SNTG2: variants seen among roughly 807,000 people sequenced by gnomAD.
SNTG2 encodes the protein gamma-2-syntrophin.
In SNTG2, 74 loss-of-function variants were observed where a neutral mutation model predicts 70.9. The ratio of observed to expected loss-of-function variants is 1.04; its 90% CI spans 0.86 to 1.27. SNTG2 has a LOEUF of 1.27. Among genes scored for constraint, SNTG2 ranks in the 50% most tolerant of loss-of-function variants. The pLI, the probability that SNTG2 is intolerant of heterozygous loss-of-function variation, is 0.00. For missense variants in SNTG2, 717 were observed against 690.7 expected, an observed-to-expected ratio of 1.04 and a Z score of -0.43; for synonymous variants, 278 against 273.8, an observed-to-expected ratio of 1.02 and a Z score of -0.15.
rs375639794 is a variant in SNTG2, at chr2:1,154,385, C to A, written c.412-11163C>A. Among the ~76,000 whole-genome samples the A allele has an allele frequency of 2.3e-3, 351 of 152,138 alleles. 9 individuals are homozygous for A. In the South Asian group the frequency reaches 0.04, roughly 17 times the overall value. On this transcript the variant is annotated intron_variant, in intron 6 of 16. Coordinates refer to ENST00000308624, the MANE Select transcript of SNTG2 (RefSeq NM_018968.4). ...GACGCCAAAGCACACAGCTTTCTGT[C>A]GGAAGATGTTGAATAAGATTGAGAT...
chr2:1,137,232 T>A (rs965568874), intron 4 of SNTG2, among the ~76,000 whole-genome samples: 5 of 151,054 alleles, frequency 3.3e-5, no homozygotes, highest in African/African-American at 1.2e-4. Flanking sequence ...CATCAACAGA[T>A]TCACATGCTC....
At chr2:1,041,844 C>T (rs1225880990) in intron 1 of SNTG2, among the ~76,000 whole-genome samples, 3 of 152,160 alleles carry the variant, frequency 2.0e-5, no homozygotes, top group East Asian at 1.9e-4. Flanking sequence ...ACACACTAGC[C>T]GTCAGCAATA....
At chr2:1,134,167 A>G (rs1344133167) in intron 4 of SNTG2, among the ~76,000 whole-genome samples, 1 of 152,138 alleles carries the variant, frequency 6.6e-6, no homozygotes, top group Non-Finnish European at 1.5e-5. Flanking sequence ...TACAGCTCAT[A>G]AAGGCAGCGT....
chr2:1,113,545 T>C (rs886520920), intron 4 of SNTG2, among the ~76,000 whole-genome samples: 1 of 151,992 alleles, frequency 6.6e-6, no homozygotes, highest in African/African-American at 2.4e-5. Context: ...GTTTAACCCT[T>C]ACAGTCCTTT....
chr2:1,159,818 G>A (rs912481644), intron 6 of SNTG2, among the ~76,000 whole-genome samples: 1 of 151,316 alleles, frequency 6.6e-6, no homozygotes, highest in African/African-American at 2.4e-5. Flanking sequence ...TTGTAATAAC[G>A]CAAGATGCAG....
chr2:1,035,948 A>G (rs1042730104), intron 1 of SNTG2, among the ~76,000 whole-genome samples: 8 of 152,226 alleles, frequency 5.3e-5, no homozygotes, highest in African/African-American at 1.7e-4. Flanking sequence ...TTCTTTACAA[A>G]TCATTAAACA....
In SNTG2 at chr2:1,008,580, C is replaced by T. The variant is rs555513021; in HGVS notation, c.72+57512C>T. Among the ~76,000 whole-genome samples, 132 of 152,218 alleles carry T rather than the reference C, an allele frequency of 8.7e-4. 1 individual carries two copies. Among genetic ancestry groups the T allele is most frequent in the African/African-American group, 3.1e-3 (130 of 41,526 alleles). ...TTCAGACTAAATGCCTGCTTATCTA[C>T]GTCATCAAACCGTTTTTATTATTTA... On this transcript the variant is annotated intron_variant, in intron 1 of 16. Coordinates refer to ENST00000308624, the MANE Select transcript of SNTG2 (RefSeq NM_018968.4).
chr2:1,057,343 C>T (rs903115170), intron 1 of SNTG2, among the ~76,000 whole-genome samples: 15 of 152,112 alleles, frequency 9.9e-5, no homozygotes, highest in Middle Eastern at 3.4e-3. Flanking sequence ...AGTCAGGGTT[C>T]TCCAGAGGGA....
At chr2:1,329,175 T>C (rs929633364) in intron 16 of SNTG2, among the ~76,000 whole-genome samples, 1 of 152,204 alleles carries the variant, frequency 6.6e-6, no homozygotes, top group Non-Finnish European at 1.5e-5. Context: ...AATCATTATT[T>C]AAAGCTGTTT....
At chr2:964,447 C>T (rs972806950) in intron 1 of SNTG2, among the ~76,000 whole-genome samples, 1 of 152,164 alleles carries the variant, frequency 6.6e-6, no homozygotes, top group African/African-American at 2.4e-5. Flanking sequence ...TCCAGGAGAG[C>T]AGTCCCAAAC....
Position 1,167,413 on chromosome 2 carries a change from A to C in SNTG2, c.499+1778A>C, listed in dbSNP as rs188983918. Among the ~76,000 whole-genome samples, 17 of 148,190 alleles carry C rather than the reference A, an allele frequency of 1.1e-4. No homozygotes were observed. In the East Asian group the frequency reaches 3.1e-3, roughly 27 times the overall value. On this transcript the variant is annotated intron_variant, in intron 7 of 16. Coordinates refer to ENST00000308624, the MANE Select transcript of SNTG2 (RefSeq NM_018968.4). Reference sequence around the variant, plus strand: ...CCTACAGGCCGCCCACAGACGGCAGAACTGAAGCCTAGAAGCCGCCCACAG... The same window carrying C: ...CCTACAGGCCGCCCACAGACGGCAGCACTGAAGCCTAGAAGCCGCCCACAG...
At chr2:1,116,258 C>G (rs1026209993) in intron 4 of SNTG2, among the ~76,000 whole-genome samples, 5 of 152,154 alleles carry the variant, frequency 3.3e-5, no homozygotes, top group African/African-American at 9.7e-5. Flanking sequence ...TTGTGTGAGT[C>G]TGTAATGTTT....
chr2:998,635 G>A (rs749929379), intron 1 of SNTG2, among the ~76,000 whole-genome samples: 4 of 151,894 alleles, frequency 2.6e-5, no homozygotes, highest in African/African-American at 7.2e-5. Flanking sequence ...AAGAGTATGG[G>A]ATTATGTAAA....
intron 1 of SNTG2, among the ~76,000 whole-genome samples, chr2:1,034,915 C>T (rs1029141115): frequency 2.6e-5 from 4 of 152,168 alleles, no homozygotes; most frequent in Non-Finnish European, 5.9e-5. Flanking sequence ...ATAGAATATT[C>T]TTCTCATCAC....
intron 8 of SNTG2, among the ~76,000 whole-genome samples, chr2:1,181,767 A>G (rs1671915381): frequency 1.3e-5 from 2 of 152,218 alleles, no homozygotes; most frequent in Non-Finnish European, 2.9e-5. Flanking sequence ...TAAAAGCTGA[A>G]GCTTGCAGGG....
At chr2:951,138 C>A in intron 1 of SNTG2, 70 bp downstream of exon 1, 2 of 675,058 alleles carry the variant, frequency 3.0e-6, no homozygotes, top group Non-Finnish European at 2.1e-6. Context: ...CTTCTCCCCC[C>A]GCCCCTCCTC....
rs370317783 is a variant in SNTG2, at chr2:991,372, T to TACACACACACATACAC, written c.72+40315_72+40316insTACACACACACACACA. On this transcript the variant is annotated intron_variant, in intron 1 of 16. Transcript: ENST00000308624. ...AGGGAGCTTATAAGTTCTGTAATATTACACACACACACACACACACACACA... is the reference window on the plus strand; with the variant it reads ...AGGGAGCTTATAAGTTCTGTAATATTACACACACACATACACACACACACACACACACACACACACA... 5.7e-3 allele frequency among the ~76,000 whole-genome samples: 804 copies of TACACACACACATACAC among 140,342 alleles called. 9 individuals carry two copies. The highest frequency in any genetic ancestry group is 0.02 in the African/African-American group (756 of 37,898). 92.1% of individuals were successfully genotyped at this position (140,342 alleles called of 152,430 possible). A position where few individuals can be genotyped will look rare whatever the true frequency, so the allele number is the denominator to read the frequency against.
chr2:1,019,899 C>T (rs574856869), intron 1 of SNTG2, among the ~76,000 whole-genome samples: 18 of 152,124 alleles, frequency 1.2e-4, no homozygotes, highest in Non-Finnish European at 1.3e-4. Flanking sequence ...AAAAATTAGC[C>T]GGGTGTGGTG....
At position 1,099,975 on chromosome 2, in the gene SNTG2, A is replaced by G. The variant is rs532007275; in HGVS notation, c.325+1565A>G. Among the ~76,000 whole-genome samples the G allele has an allele frequency of 1.0e-3, 152 of 152,314 alleles. 2 individuals carry two copies. In the South Asian group the frequency reaches 0.019, roughly 19 times the overall value. On this transcript the variant is annotated intron_variant, in intron 4 of 16. Transcript: ENST00000308624. ...ATGGGATTCCATTTAATCAGGAATT[A>G]GGGGCCAGCAAGCCCCGAAACCCAG... is the stretch of plus-strand genomic sequence containing the variant.
Sources: gnomAD v4.1 joint callset for allele counts (sites outside exome capture counted in the v4.1 genomes callset) on GRCh38, gnomAD v4.1.1 for gene constraint, MANE v1.5 for transcripts, NCBI Gene and HGNC (gene_info 2026-07-23, HGNC 2026-07-21) for gene names.